Variants in COBL observed in about 807,000 individuals in gnomAD.
The protein encoded by COBL is cordon-bleu WH2 repeat protein.
Under a neutral mutation model 98.8 loss-of-function variants are expected in COBL, and 51 were observed. The observed-to-expected ratio is 0.52, with a 90% CI of 0.41 to 0.65. COBL has a LOEUF of 0.65. Among genes scored for constraint, COBL ranks in the 30% least tolerant of loss-of-function variants. The pLI is 0.00. For missense variants in COBL, 1,617 were observed against 1,617.5 expected (o/e 1.00, Z 0.01); for synonymous variants, 634 against 651.7 (o/e 0.97, Z 0.41).
In COBL at chr7:51,196,993, C is replaced by T. The variant is rs182118800; in HGVS notation, c.246-3404G>A. Among the ~76,000 whole-genome samples, 110 of 151,158 alleles carry T rather than the reference C, an allele frequency of 7.3e-4. 1 individual carries two copies. In the Middle Eastern group the frequency reaches 0.017, roughly 24 times the overall value. ...AAAAACAGCTCCAGGATTCACTGATCCTTTGAATAATTTTTCGTGTCTCAA... is the reference window on the plus strand; with the variant it reads ...AAAAACAGCTCCAGGATTCACTGATTCTTTGAATAATTTTTCGTGTCTCAA... On this transcript the variant is annotated intron_variant, in intron 2 of 12. Coordinates refer to ENST00000265136, the MANE Select transcript of COBL (RefSeq NM_015198.5).
chr7:51,168,403 TC>T (rs1787538587), intron 5 of COBL, among the ~76,000 whole-genome samples: 1 of 149,590 alleles, frequency 6.7e-6, no homozygotes, highest in Non-Finnish European at 1.5e-5. Context: ...ACCACTGCAC[TC>T]CAGCACCAGT....
intron 6 of COBL, among the ~76,000 whole-genome samples, chr7:51,091,492 A>G (rs1583759546): frequency 6.6e-6 from 1 of 152,284 alleles, no homozygotes; most frequent in Middle Eastern, 3.4e-3. Context: ...GGAATAAAAA[A>G]AAATTCAAAA....
chr7:51,290,724 C>G lies in COBL; in HGVS notation c.41+25869G>C, dbSNP rs552700002. Among the ~76,000 whole-genome samples, 3 of 152,220 alleles carry G rather than the reference C, an allele frequency of 2.0e-5. No individual in the cohort carries two copies. In the South Asian group the frequency reaches 6.2e-4, roughly 32 times the overall value. Reference sequence around the variant, plus strand: ...AGATTAAACTGCTCAAATAATAACCCTGAATACTAATATGCTAAATCCCAC... The same window carrying G: ...AGATTAAACTGCTCAAATAATAACCGTGAATACTAATATGCTAAATCCCAC... On this transcript the variant is annotated intron_variant, in intron 1 of 12. Coordinates refer to ENST00000265136, the MANE Select transcript of COBL (RefSeq NM_015198.5).
chr7:51,293,501 A>G (rs1801106663), intron 1 of COBL, among the ~76,000 whole-genome samples: 1 of 152,176 alleles, frequency 6.6e-6, no homozygotes, highest in Admixed American at 6.5e-5. Flanking sequence ...CATAAATAAA[A>G]CAGATCAATG....
At chr7:51,174,979 T>A (rs918705009) in intron 5 of COBL, among the ~76,000 whole-genome samples, 2 of 152,166 alleles carry the variant, frequency 1.3e-5, no homozygotes, top group Admixed American at 6.5e-5. Flanking sequence ...CAGCTCTTGG[T>A]ACCAGCAACA....
rs529452407 is a variant in COBL, at chr7:51,219,756, C to T, written c.230G>A (p.Ser77Asn). 6.2e-7 allele frequency: 1 copy of T among 1,614,076 alleles called. No individual in the cohort carries two copies. Among genetic ancestry groups the T allele is most frequent in the Middle Eastern group, 1.6e-4 (1 of 6,062 alleles). ...VVLPSGLEKRSVLNGSHAMMD... is the reference protein window; with the variant it reads ...VVLPSGLEKRNVLNGSHAMMD... Reference sequence around the variant, plus strand: ...CGGCTCTCACCTCCCATTGAGCACGCTCCTCTTCTCCAGCCCACTAGGCAG... The same window carrying T: ...CGGCTCTCACCTCCCATTGAGCACGTTCCTCTTCTCCAGCCCACTAGGCAG... The change falls in exon 2 of 13, where the codon AGC becomes AAC. Residue 77 changes from serine (S) to asparagine (N), a missense_variant. By Grantham distance (46) the Ser-to-Asn change is conservative. Around this residue, in one of 3 missense-constraint regions of COBL, gnomAD observed 238 missense variants for 215.0 expected, o/e 1.11. Coordinates refer to ENST00000265136, the MANE Select transcript of COBL (RefSeq NM_015198.5).
At chr7:51,095,708 T>C (rs999603106) in intron 6 of COBL, among the ~76,000 whole-genome samples, 2 of 152,030 alleles carry the variant, frequency 1.3e-5, no homozygotes, top group Non-Finnish European at 2.9e-5. Flanking sequence ...AGATATTCCA[T>C]GCAAATAGTA....
At position 51,167,632 on chromosome 7, in the gene COBL, C is replaced by T. The variant is rs138287356; in HGVS notation, c.783+16470G>A. Among the ~76,000 whole-genome samples the T allele has an allele frequency of 9.1e-3, 1,388 of 151,962 alleles. 24 individuals are homozygous for T. Among genetic ancestry groups the T allele is most frequent in the African/African-American group, 0.032 (1,323 of 41,440 alleles). On this transcript the variant is annotated intron_variant, in intron 5 of 12. Transcript: ENST00000265136. ...CGAGAATAGTCAAAGCTATCCTAAGCAAAAATAACAAAACTGAAGGAATCA... is the reference window on the plus strand; with the variant it reads ...CGAGAATAGTCAAAGCTATCCTAAGTAAAAATAACAAAACTGAAGGAATCA...
intron 1 of COBL, among the ~76,000 whole-genome samples, chr7:51,243,291 G>T (rs769369565): frequency 6.6e-6 from 1 of 152,150 alleles, no homozygotes; most frequent in Non-Finnish European, 1.5e-5. Context: ...CTGACGCTGG[G>T]GTGTGACTTC....
chr7:51,016,970 G>GATCTCGGTGGT lies in COBL; in HGVS notation c.*580_*581insACCACCGAGAT. 4.9e-6 allele frequency: 2 copies of GATCTCGGTGGT among 404,124 alleles called. No individual in the cohort carries two copies. Among genetic ancestry groups the GATCTCGGTGGT allele is most frequent in the Admixed American group, 4.2e-5 (1 of 23,544 alleles). The allele number at this position is 404,124 out of a possible 1,614,324, so 25.0% of individuals were successfully genotyped here. A position where few individuals can be genotyped will look rare whatever the true frequency, so the allele number is the denominator to read the frequency against. ...GACTGTGACCCTCTGTGAAGTGTTA[G>GATCTCGGTGGT]CCCCAAATATTTGAGGAAGAAGAAT... On this transcript the variant is annotated 3_prime_UTR_variant, in exon 13 of 13. Transcript: ENST00000265136.
chr7:51,017,698 T>C (rs1043748866), intron 12 of COBL, 130 bp from the exon 13 acceptor site: 32 of 940,616 alleles, frequency 3.4e-5, no homozygotes, highest in African/African-American at 2.2e-4. Context: ...CCCAGTTCCT[T>C]TGACCTGCAG....
At chr7:51,289,096 C>T (rs945104586) in intron 1 of COBL, among the ~76,000 whole-genome samples, 1 of 152,162 alleles carries the variant, frequency 6.6e-6, no homozygotes, top group Non-Finnish European at 1.5e-5. Flanking sequence ...AGCATGCCCA[C>T]CGCACTGGTG....
At chr7:51,158,057 G>C (rs1199076590) in intron 5 of COBL, among the ~76,000 whole-genome samples, 1 of 152,202 alleles carries the variant, frequency 6.6e-6, no homozygotes, top group African/African-American at 2.4e-5. Context: ...AGAGCCAGTT[G>C]TTGTGTTAGA....
At chr7:51,293,096 A>G (rs2129189935) in intron 1 of COBL, among the ~76,000 whole-genome samples, 1 of 152,360 alleles carries the variant, frequency 6.6e-6, no homozygotes, top group East Asian at 1.9e-4. Context: ...CTGCTAGAAG[A>G]GGAAGAAACA....
chr7:51,119,075 A>G (rs948194213), intron 6 of COBL, among the ~76,000 whole-genome samples: 6 of 152,234 alleles, frequency 3.9e-5, no homozygotes, highest in Non-Finnish European at 8.8e-5. Flanking sequence ...AAGTTTTACA[A>G]ATGACACAGT....
chr7:51,088,814 C>T (rs527437826), intron 6 of COBL, among the ~76,000 whole-genome samples: 1 of 152,330 alleles, frequency 6.6e-6, no homozygotes, highest in Admixed American at 6.5e-5. Context: ...ATCTTCTGCA[C>T]AGGGGAAGCC....
chr7:51,303,653 C>T (rs988346155), intron 1 of COBL, among the ~76,000 whole-genome samples: 1 of 152,108 alleles, frequency 6.6e-6, no homozygotes, highest in African/African-American at 2.4e-5. Context: ...GGGATTTTAC[C>T]AAGCTCTTAG....
At chr7:51,185,360 C>A (rs986374891) in intron 4 of COBL, among the ~76,000 whole-genome samples, 1 of 152,218 alleles carries the variant, frequency 6.6e-6, no homozygotes, top group Non-Finnish European at 1.5e-5. Context: ...CTGGAGAACA[C>A]GCTTGGGAGT....
chr7:51,249,782 C>T (rs1796562039), intron 1 of COBL, among the ~76,000 whole-genome samples: 1 of 152,164 alleles, frequency 6.6e-6, no homozygotes, highest in Admixed American at 6.5e-5. Flanking sequence ...AAACCCTCTG[C>T]AGAGCTGGCT....
Sources: gnomAD v4.1 joint callset for allele counts (sites outside exome capture counted in the v4.1 genomes callset) on GRCh38, gnomAD v4.1.1 for gene constraint, gnomAD v4.1.1 regional missense constraint, MANE v1.5 for transcripts, NCBI Gene and HGNC (gene_info 2026-07-23, HGNC 2026-07-21) for gene names.